Variants in BMP6 observed in about 807,000 individuals in gnomAD.
The protein encoded by BMP6 is bone morphogenetic protein 6.
BMP6 carries 17 observed loss-of-function variants against 54.1 expected under a neutral mutation model. That is an observed-to-expected ratio of 0.31 (90% confidence interval 0.22 to 0.47). BMP6 has a LOEUF of 0.47. Ranked by LOEUF, BMP6 falls within the 20% of genes least tolerant of loss-of-function variation. The pLI is 1.00. For synonymous variants in BMP6, 328 were observed against 291.2 expected, an observed-to-expected ratio of 1.13 and a Z score of -1.28; for missense variants, 720 against 690.4, an observed-to-expected ratio of 1.04 and a Z score of -0.48.
chr6:7,757,010 C>T (rs1414496509), intron 1 of BMP6, among the ~76,000 whole-genome samples: 1 of 152,156 alleles, frequency 6.6e-6, no homozygotes. Flanking sequence ...CTTTGGAGCG[C>T]TCTCTCTATG....
intron 1 of BMP6, among the ~76,000 whole-genome samples, chr6:7,827,460 C>A (rs1169693287): frequency 6.6e-6 from 1 of 152,158 alleles, no homozygotes; most frequent in Non-Finnish European, 1.5e-5. Flanking sequence ...ACTGAGAAAC[C>A]TTTGGCTGGT....
At chr6:7,850,205 C>T (rs920144605) in intron 2 of BMP6, among the ~76,000 whole-genome samples, 4 of 152,122 alleles carry the variant, frequency 2.6e-5, no homozygotes, top group South Asian at 2.1e-4. Context: ...TGCAGTGGTG[C>T]GATCTCGGCT....
At chr6:7,857,060 C>T (rs904613501) in intron 2 of BMP6, among the ~76,000 whole-genome samples, 1 of 152,188 alleles carries the variant, frequency 6.6e-6, no homozygotes, top group Non-Finnish European at 1.5e-5. Context: ...GAGAGAAAGG[C>T]CTGCTGTATT....
At chr6:7,830,145 A>C (rs1041077886) in intron 1 of BMP6, among the ~76,000 whole-genome samples, 1 of 150,122 alleles carries the variant, frequency 6.7e-6, no homozygotes, top group Admixed American at 6.7e-5. Flanking sequence ...TGGCAAGAGC[A>C]CCCCCCCTCT....
chr6:7,766,262 AT>A, intron 1 of BMP6, among the ~76,000 whole-genome samples: 1 of 152,130 alleles, frequency 6.6e-6, no homozygotes, highest in South Asian at 2.1e-4. Flanking sequence ...TTGTCTGCTG[AT>A]TTTCTGAGTG....
rs1304421149 is a variant in BMP6, at chr6:7,836,604, T to A, written c.665-8536T>A. Among the ~76,000 whole-genome samples the A allele has an allele frequency of 3.3e-5, 5 of 152,298 alleles. 1 individual carries two copies. Among genetic ancestry groups the A allele is most frequent in the Admixed American group, 3.3e-4 (5 of 15,290 alleles). ...TGCATGGGGCTTCTCTACTGTTTTT[T>A]CAACTACTTGTGGGACTTTAATTAT... On this transcript the variant is annotated intron_variant, in intron 1 of 6. Coordinates refer to ENST00000283147, the MANE Select transcript of BMP6 (RefSeq NM_001718.6).
At chr6:7,852,675 C>T (rs780571625) in intron 2 of BMP6, among the ~76,000 whole-genome samples, 5 of 152,192 alleles carry the variant, frequency 3.3e-5, no homozygotes, top group Non-Finnish European at 5.9e-5. Context: ...ACTCTGTACT[C>T]GATTTTTTAG....
At chr6:7,751,088 C>G (rs1212054672) in intron 1 of BMP6, among the ~76,000 whole-genome samples, 1 of 152,198 alleles carries the variant, frequency 6.6e-6, no homozygotes, top group Non-Finnish European at 1.5e-5. Flanking sequence ...GATGTAGCTT[C>G]AAGGCAGACT....
At chr6:7,728,175 G>A (rs1761782404) in intron 1 of BMP6, among the ~76,000 whole-genome samples, 1 of 152,092 alleles carries the variant, frequency 6.6e-6, no homozygotes. Flanking sequence ...AGGGGAGGTT[G>A]CAGAGGGAAG....
chr6:7,818,811 C>G (rs1448745233), intron 1 of BMP6, among the ~76,000 whole-genome samples: 1 of 152,190 alleles, frequency 6.6e-6, no homozygotes, highest in Non-Finnish European at 1.5e-5. Flanking sequence ...AGAGGTACAT[C>G]ACTTTTAGAC....
intron 2 of BMP6, among the ~76,000 whole-genome samples, chr6:7,846,493 A>G (rs944869411): frequency 6.6e-6 from 1 of 152,248 alleles, no homozygotes; most frequent in Non-Finnish European, 1.5e-5. Context: ...GCCCTTGTGC[A>G]TATTTAGGTC....
At chr6:7,794,562 A>G (rs1217957211) in intron 1 of BMP6, among the ~76,000 whole-genome samples, 1 of 150,308 alleles carries the variant, frequency 6.7e-6, no homozygotes, top group African/African-American at 2.4e-5. Flanking sequence ...ATAGTACCAC[A>G]GCACTCCAGG....
At chr6:7,876,600 T>G (rs1015714927) in intron 4 of BMP6, among the ~76,000 whole-genome samples, 2 of 152,270 alleles carry the variant, frequency 1.3e-5, no homozygotes, top group African/African-American at 4.8e-5. Flanking sequence ...TAATTCTGTC[T>G]TCAGTTATGT....
At chr6:7,830,789 A>G (rs899647709) in intron 1 of BMP6, among the ~76,000 whole-genome samples, 5 of 152,110 alleles carry the variant, frequency 3.3e-5, no homozygotes, top group African/African-American at 9.7e-5. Flanking sequence ...CTTATTCACT[A>G]TCACAAGAAC....
chr6:7,742,845 TAAAC>T (rs1014450755), intron 1 of BMP6, among the ~76,000 whole-genome samples: 36 of 152,282 alleles, frequency 2.4e-4, no homozygotes, highest in African/African-American at 8.7e-4. Context: ...TGTTTAAAAT[TAAAC>T]AACCCTTCAG....
At chr6:7,845,813 G>A (rs1283247450) in intron 2 of BMP6, among the ~76,000 whole-genome samples, 1 of 151,520 alleles carries the variant, frequency 6.6e-6, no homozygotes, top group Non-Finnish European at 1.5e-5. Context: ...TTTATCACTT[G>A]GATACAAGGG....
At chr6:7,863,263 G>C (rs1393091575) in intron 4 of BMP6, among the ~76,000 whole-genome samples, 1 of 152,238 alleles carries the variant, frequency 6.6e-6, no homozygotes, top group East Asian at 1.9e-4. Flanking sequence ...CTCCCAAAGT[G>C]CTGGGATTAC....
intron 1 of BMP6, among the ~76,000 whole-genome samples, chr6:7,741,097 A>G (rs1026284320): frequency 9.2e-5 from 14 of 151,906 alleles, no homozygotes; most frequent in Non-Finnish European, 1.3e-4. Flanking sequence ...GATTTTGCCT[A>G]TTTACCTGGT....
intron 1 of BMP6, among the ~76,000 whole-genome samples, chr6:7,749,836 C>G (rs1458398606): frequency 2.4e-4 from 37 of 152,230 alleles, no homozygotes; most frequent in Admixed American, 2.4e-3. Context: ...GAGGGGCTTA[C>G]TCCCAGAGAT....
Sources: allele counts gnomAD v4.1 joint callset (sites outside exome capture counted in the v4.1 genomes callset), GRCh38; gene constraint gnomAD v4.1.1; transcripts MANE v1.5; gene names NCBI Gene and HGNC (gene_info 2026-07-23, HGNC 2026-07-21).